Variants in DNAJC1 observed in about 807,000 individuals in gnomAD.
The protein encoded by DNAJC1 is DnaJ heat shock protein family (Hsp40) member C1.
In DNAJC1, 58 loss-of-function variants were observed where a neutral mutation model predicts 76.6. That is an observed-to-expected ratio of 0.76 (90% CI 0.61 to 0.94). DNAJC1 has a LOEUF of 0.94. Ranked by LOEUF, DNAJC1 falls within the 40% of genes least tolerant of loss-of-function variation. The probability of loss-of-function intolerance (pLI) is 0.00; values close to 1 mark genes in which losing one functional copy is unlikely to be tolerated. For missense variants in DNAJC1, 689 were observed against 677.3 expected, an observed-to-expected ratio of 1.02 and a Z score of -0.19; for synonymous variants, 258 against 267.9, an observed-to-expected ratio of 0.96 and a Z score of 0.36.
chr10:21,759,026 A>C, intron 11 of DNAJC1, 144 bp downstream of exon 11: 1 of 849,116 alleles, frequency 1.2e-6, no homozygotes, highest in Non-Finnish European at 1.9e-6. Flanking sequence ...AGGGAGAAAT[A>C]TACTGGAAGA....
chr10:21,763,010 A>G (rs577101477), intron 10 of DNAJC1, among the ~76,000 whole-genome samples: 155 of 152,236 alleles, frequency 1.0e-3, no homozygotes, highest in African/African-American at 3.0e-3. Context: ...GGCTCACTGC[A>G]ACCTCTGCCT....
chr10:21,878,891 ACAC>A (rs947462227), intron 8 of DNAJC1, among the ~76,000 whole-genome samples: 50 of 152,014 alleles, frequency 3.3e-4, no homozygotes, highest in African/African-American at 1.0e-3. Context: ...CAAACTGAAA[ACAC>A]CACATTTCTC....
At chr10:21,979,250 T>C (rs1384475393) in intron 1 of DNAJC1, among the ~76,000 whole-genome samples, 1 of 152,076 alleles carries the variant, frequency 6.6e-6, no homozygotes, top group Non-Finnish European at 1.5e-5. Context: ...GTTTCTACTA[T>C]GTAAAGCTAT....
intron 8 of DNAJC1, among the ~76,000 whole-genome samples, chr10:21,866,134 C>CAAAAAAA (rs1306930222): frequency 1.3e-3 from 43 of 33,850 alleles, no homozygotes; most frequent in East Asian, 2.8e-3. Flanking sequence ...GACTTCAACT[C>CAAAAAAA]AAAAAAAAAA....
intron 6 of DNAJC1, among the ~76,000 whole-genome samples, chr10:21,909,917 C>T (rs1836827076): frequency 6.6e-6 from 1 of 152,184 alleles, no homozygotes; most frequent in African/African-American, 2.4e-5. Context: ...ATGCCAGAAA[C>T]AGACTAAGGT....
intron 8 of DNAJC1, among the ~76,000 whole-genome samples, chr10:21,844,848 C>T (rs1288619570): frequency 6.6e-6 from 1 of 152,158 alleles, no homozygotes; most frequent in East Asian, 1.9e-4. Flanking sequence ...GCCTTGGCAA[C>T]ATAAGAGACC....
At chr10:21,785,113 T>G (rs1351384761) in intron 9 of DNAJC1, among the ~76,000 whole-genome samples, 1 of 152,162 alleles carries the variant, frequency 6.6e-6, no homozygotes, top group African/African-American at 2.4e-5. Flanking sequence ...TATAAATCAA[T>G]AGTGGCCAAA....
chr10:21,784,814 A>C (rs986953678), intron 9 of DNAJC1, among the ~76,000 whole-genome samples: 4 of 151,458 alleles, frequency 2.6e-5, no homozygotes, highest in Admixed American at 2.6e-4. Context: ...AAAACCAAAC[A>C]CTGCATGTTC....
At chr10:21,897,525 G>A (rs931367315) in intron 7 of DNAJC1, among the ~76,000 whole-genome samples, 3 of 152,132 alleles carry the variant, frequency 2.0e-5, no homozygotes, top group East Asian at 1.9e-4. Flanking sequence ...GGAGGTGAGC[G>A]GCAGGAGGAC....
intron 8 of DNAJC1, among the ~76,000 whole-genome samples, chr10:21,880,082 C>T (rs1180798159): frequency 6.6e-6 from 1 of 152,208 alleles, no homozygotes; most frequent in African/African-American, 2.4e-5. Context: ...GGAATAGATT[C>T]CATCTCAAGA....
chr10:21,995,848 G>A (rs975588057), intron 1 of DNAJC1, among the ~76,000 whole-genome samples: 1 of 152,032 alleles, frequency 6.6e-6, no homozygotes, highest in Non-Finnish European at 1.5e-5. Context: ...TACATAAGAT[G>A]GGAAATGAAA....
chr10:21,967,025 T>TG (rs1837904522), intron 1 of DNAJC1, among the ~76,000 whole-genome samples: 1 of 151,102 alleles, frequency 6.6e-6, no homozygotes, highest in Admixed American at 6.6e-5. Context: ...TTTTTTTTTT[T>TG]TTTTTACAGT....
intron 1 of DNAJC1, among the ~76,000 whole-genome samples, chr10:21,981,039 ACTCT>A (rs1838147679): frequency 6.6e-6 from 1 of 151,958 alleles, no homozygotes; most frequent in Admixed American, 6.6e-5. Context: ...TGATCAAGTC[ACTCT>A]CTGTTTCTAT....
chr10:21,990,378 A>T lies in DNAJC1; in HGVS notation c.222+12835T>A, dbSNP rs993007267. On this transcript the variant is annotated intron_variant, in intron 1 of 11. Transcript: ENST00000376980. ...CCCTCAGTTTGGATGTATTTTTTTT[A>T]AAAAAAGGCCTTACTGTGTGGAGAA... Among the ~76,000 whole-genome samples, 14 of 152,130 alleles carry T rather than the reference A, an allele frequency of 9.2e-5. No homozygotes were observed. The East Asian group carries it at 9.7e-4, about 10-fold the overall frequency.
At chr10:21,965,143 A>G (rs1263956571) in intron 1 of DNAJC1, among the ~76,000 whole-genome samples, 2 of 152,050 alleles carry the variant, frequency 1.3e-5, no homozygotes, top group East Asian at 1.9e-4. Context: ...CACATTTTCT[A>G]TATCTCAGTC....
At chr10:21,988,221 C>T (rs1200248474) in intron 1 of DNAJC1, among the ~76,000 whole-genome samples, 1 of 152,044 alleles carries the variant, frequency 6.6e-6, no homozygotes, top group African/African-American at 2.4e-5. Context: ...GTCACAAAAA[C>T]ACAGAGGACT....
chr10:21,854,927 C>G (rs1412058356), intron 8 of DNAJC1, among the ~76,000 whole-genome samples: 1 of 152,074 alleles, frequency 6.6e-6, no homozygotes, highest in Non-Finnish European at 1.5e-5. Flanking sequence ...AGTTTCTCAG[C>G]CATCTGTGAA....
chr10:21,905,222 A>ATGAGTGGCACACAGGTAAGGCT (rs1836723043), intron 6 of DNAJC1, among the ~76,000 whole-genome samples: 1 of 151,734 alleles, frequency 6.6e-6, no homozygotes, highest in Non-Finnish European at 1.5e-5. Context: ...TGAAGTCTCA[A>ATGAGTGGCACACAGGTAAGGCT]TGAGTGGCAC....
In DNAJC1 at chr10:21,875,316, T is replaced by C. The variant is rs145386046; in HGVS notation, c.978+6966A>G. Reference sequence around the variant, plus strand: ...GACCACAGTTGTGCACCACCAAGCCTGGCTAATTCATTTATTTTTTGTAGA... The same window carrying C: ...GACCACAGTTGTGCACCACCAAGCCCGGCTAATTCATTTATTTTTTGTAGA... On this transcript the variant is annotated intron_variant, in intron 8 of 11. Transcript: ENST00000376980. Among the ~76,000 whole-genome samples the C allele has an allele frequency of 2.4e-4, 36 of 152,292 alleles. No homozygotes were observed. In the East Asian group the frequency reaches 6.2e-3, roughly 26 times the overall value.
Sources: allele counts gnomAD v4.1 joint callset (sites outside exome capture counted in the v4.1 genomes callset), GRCh38; gene constraint gnomAD v4.1.1; transcripts MANE v1.5; gene names NCBI Gene and HGNC (gene_info 2026-07-23, HGNC 2026-07-21).